MOBP: variants seen among roughly 807,000 people sequenced by gnomAD.
MOBP encodes myelin-associated oligodendrocyte basic protein.
In MOBP, 5 loss-of-function variants were observed where a neutral mutation model predicts 15.0. The ratio of observed to expected loss-of-function variants is 0.33; its 90% CI spans 0.17 to 0.70. The LOEUF is 0.70. Ranked by LOEUF, MOBP falls within the 30% of genes least tolerant of loss-of-function variation. The pLI is 0.67. For missense variants in MOBP, 188 were observed against 257.8 expected (o/e 0.73, Z 1.85); for synonymous variants, 88 against 99.0 (o/e 0.89, Z 0.66).
downstream of MOBP, among the ~76,000 whole-genome samples, chr3:39,507,660 A>G (rs538555194): frequency 6.6e-6 from 1 of 152,322 alleles, no homozygotes; most frequent in Non-Finnish European, 1.5e-5. Context: ...AGCTGAGCTC[A>G]ACAGAGCTGT....
At chr3:39,527,712 GC>G (rs1559433151), downstream of MOBP, 1 of 152,264 alleles carries the variant, frequency 6.6e-6, no homozygotes, top group Non-Finnish European at 1.5e-5. Flanking sequence ...ACCCACCTGG[GC>G]CTCCCAAAGT....
At chr3:39,513,194 A>G (rs1192893392) in intron 4 of MOBP, among the ~76,000 whole-genome samples, 1 of 152,252 alleles carries the variant, frequency 6.6e-6, no homozygotes, top group African/African-American at 2.4e-5. Flanking sequence ...GGCTCGGGCC[A>G]AGAAAAAAAT....
At chr3:39,469,954 G>C (rs1351514540) in intron 1 of MOBP, among the ~76,000 whole-genome samples, 2 of 152,166 alleles carry the variant, frequency 1.3e-5, no homozygotes, top group Non-Finnish European at 2.9e-5. Context: ...GATCTTATAG[G>C]CTTAAAGTGA....
downstream of MOBP, among the ~76,000 whole-genome samples, chr3:39,519,828 C>T (rs1379250451): frequency 6.6e-6 from 1 of 152,104 alleles, no homozygotes; most frequent in Non-Finnish European, 1.5e-5. Flanking sequence ...AAAGAGACCA[C>T]AGCCTTCTAT....
At chr3:39,512,315 A>G (rs772508376) in intron 4 of MOBP, among the ~76,000 whole-genome samples, 25 of 152,180 alleles carry the variant, frequency 1.6e-4, no homozygotes, top group Non-Finnish European at 3.1e-4. Flanking sequence ...TAGTCTCAGC[A>G]CCTGGGTTTT....
At position 39,480,089 on chromosome 3, in the gene MOBP, A is replaced by T. The variant is rs557792569; in HGVS notation, c.-39A>T. 5 of 152,174 alleles carry T rather than the reference A, an allele frequency of 3.3e-5. No homozygotes were observed. The highest frequency in any genetic ancestry group is 4.1e-4 in the South Asian group (2 of 4,824). 9.4% of individuals were successfully genotyped at this position (152,174 alleles called of 1,614,324 possible). ...ATACCAAGACAAGCTCATAACAGAG[A>T]TCCAATCAGCAGATGTGTACGGATG... On this transcript the variant is annotated 5_prime_UTR_variant, in exon 2 of 4. Coordinates refer to ENST00000684792, the MANE Select transcript of MOBP (RefSeq NM_001393704.1).
chr3:39,496,407 GC>G (rs2042883549), intron 2 of MOBP, among the ~76,000 whole-genome samples: 1 of 151,702 alleles, frequency 6.6e-6, no homozygotes, highest in African/African-American at 2.4e-5. Context: ...CACCGTGTTA[GC>G]CAGGATGGTC....
At chr3:39,511,960 A>G (rs2043125382) in intron 4 of MOBP, among the ~76,000 whole-genome samples, 1 of 152,204 alleles carries the variant, frequency 6.6e-6, no homozygotes, top group African/African-American at 2.4e-5. Flanking sequence ...ATTCTAAGTC[A>G]CATTTTTCCC....
At position 39,502,024 on chromosome 3, in the gene MOBP, C is replaced by T. The variant is rs768825974; in HGVS notation, c.-4-42C>T. On this transcript the variant is annotated intron_variant, in intron 2 of 3. Transcript: ENST00000684792. This position sits in a 1 kb window ranked among gnomAD's most constrained non-coding sequence, Gnocchi z 6.3. ...GTAGAGGGCTCCCTTTCCTGATGTG[C>T]GTTTATGTCTCCTCCTGTCTCCTTG... 7.1e-6 allele frequency: 11 copies of T among 1,543,572 alleles called. No homozygotes were observed. In the East Asian group the frequency reaches 9.0e-5, roughly 13 times the overall value.
chr3:39,473,406 A>G (rs977247262), intron 1 of MOBP, among the ~76,000 whole-genome samples: 1 of 152,206 alleles, frequency 6.6e-6, no homozygotes, highest in Non-Finnish European at 1.5e-5. Flanking sequence ...GTGAAAAAGC[A>G]TGGGTGAGAG....
intron 2 of MOBP, among the ~76,000 whole-genome samples, chr3:39,482,253 C>T (rs911217034): frequency 7.2e-5 from 11 of 152,156 alleles, no homozygotes; most frequent in African/African-American, 2.4e-4. Flanking sequence ...GTTAATTCTA[C>T]TCTTGGAATA....
chr3:39,469,238 GTGTA>G (rs1398527993), intron 1 of MOBP, among the ~76,000 whole-genome samples: 3 of 143,938 alleles, frequency 2.1e-5, no homozygotes, highest in Non-Finnish European at 4.5e-5. Flanking sequence ...ACATATGTGT[GTGTA>G]TATATACATA....
chr3:39,470,170 G>A (rs938529724), intron 1 of MOBP, among the ~76,000 whole-genome samples: 2 of 152,162 alleles, frequency 1.3e-5, no homozygotes, highest in Admixed American at 6.5e-5. Context: ...TGGAGGAGGC[G>A]GACCTCTGGC....
At chr3:39,472,979 G>A (rs911700008) in intron 1 of MOBP, among the ~76,000 whole-genome samples, 2 of 152,186 alleles carry the variant, frequency 1.3e-5, no homozygotes, top group Non-Finnish European at 2.9e-5. Flanking sequence ...GGACATGGAA[G>A]GGTTGGGAGG....
In MOBP at chr3:39,502,338, C is replaced by T; in HGVS notation, c.206+63C>T. 1.2e-6 allele frequency: 2 copies of T among 1,602,604 alleles called. No homozygotes were observed. The highest frequency in any genetic ancestry group is 1.1e-5 in the South Asian group (1 of 89,892). On this transcript the variant is annotated intron_variant, in intron 3 of 3. Transcript: ENST00000684792. This position sits in a 1 kb window ranked among gnomAD's most constrained non-coding sequence, Gnocchi z 6.3. Reference sequence around the variant, plus strand: ...CAGCGCGTGGTCTCGGCTCCCAGCACGCCCCTCCCGCTCCGCACCCCACTC... The same window carrying T: ...CAGCGCGTGGTCTCGGCTCCCAGCATGCCCCTCCCGCTCCGCACCCCACTC...
intron 2 of MOBP, among the ~76,000 whole-genome samples, chr3:39,501,440 C>T (rs2042968127): frequency 6.6e-6 from 1 of 152,172 alleles, no homozygotes; most frequent in Admixed American, 6.5e-5. Flanking sequence ...CCCCTGTTGC[C>T]CCTTCTGAGT....
intron 2 of MOBP, among the ~76,000 whole-genome samples, chr3:39,482,689 A>T (rs1247344244): frequency 6.7e-6 from 1 of 150,364 alleles, no homozygotes; most frequent in Non-Finnish European, 1.5e-5. Flanking sequence ...TGACTATGAC[A>T]TATTTCTACT....
At chr3:39,498,373 C>T (rs1447385276) in intron 2 of MOBP, among the ~76,000 whole-genome samples, 4 of 151,970 alleles carry the variant, frequency 2.6e-5, no homozygotes, top group Admixed American at 6.5e-5. Flanking sequence ...TTTTTGGAGA[C>T]GGAGTCTTGC....
At chr3:39,483,294 C>T (rs1459991644) in intron 2 of MOBP, among the ~76,000 whole-genome samples, 1 of 152,156 alleles carries the variant, frequency 6.6e-6, no homozygotes, top group Non-Finnish European at 1.5e-5. Flanking sequence ...CAAAATGGAA[C>T]AGAGATAAGT....
Sources: allele counts gnomAD v4.1 joint callset (sites outside exome capture counted in the v4.1 genomes callset), GRCh38; gene constraint gnomAD v4.1.1; non-coding constraint Gnocchi (gnomAD v3.1); transcripts MANE v1.5; gene names NCBI Gene and HGNC (gene_info 2026-07-23, HGNC 2026-07-21).